The following PCDHGB2 variants were observed in gnomAD, a reference collection of about 807,000 sequenced individuals.
PCDHGB2 encodes the protein protocadherin gamma subfamily B, 2, also known as protocadherin gamma-B2.
In PCDHGB2, 55 loss-of-function variants were observed where a neutral mutation model predicts 59.3. The ratio of observed to expected loss-of-function variants is 0.93; its 90% CI spans 0.75 to 1.16. The LOEUF (loss-of-function observed/expected upper bound fraction) is 1.16, where lower values mean the gene tolerates loss of function less well. Among genes scored for constraint, PCDHGB2 ranks in the 50% most tolerant of loss-of-function variants. PCDHGB2 has a pLI of 0.00. For synonymous variants in PCDHGB2, 516 were observed against 512.0 expected (o/e 1.01, Z -0.11); for missense variants, 1,228 against 1,198.5 (o/e 1.02, Z -0.36).
At chr5:141,394,285 T>C (rs1463926417) in intron 1 of PCDHGB2, 2 of 1,613,942 alleles carry the variant, frequency 1.2e-6, no homozygotes, top group Admixed American at 1.7e-5. Context: ...ACTTACTCTG[T>C]GACCGAGGAC....
intron 1 of PCDHGB2, chr5:141,374,290 A>G: frequency 6.2e-7 from 1 of 1,613,934 alleles, no homozygotes; most frequent in South Asian, 1.1e-5. Context: ...TCGTCTCCAG[A>G]GGTAGGATGC....
chr5:141,425,241 AG>A (rs2096863585), intron 1 of PCDHGB2, among the ~76,000 whole-genome samples: 1 of 152,220 alleles, frequency 6.6e-6, no homozygotes, highest in Admixed American at 6.5e-5. Flanking sequence ...TTAAATAAAA[AG>A]GATATGAGGT....
intron 1 of PCDHGB2, among the ~76,000 whole-genome samples, chr5:141,406,328 C>T (rs1235799294): frequency 1.3e-5 from 2 of 152,062 alleles, no homozygotes; most frequent in Non-Finnish European, 2.9e-5. Context: ...ATTCTTACTC[C>T]TACGATCATT....
chr5:141,431,536 G>T lies in PCDHGB2; in HGVS notation c.2422-63271G>T. Reference sequence around the variant, plus strand: ...TTCCGGAGAATCTGGCCTTGGGCACGCAGCTGCTTGTAGTCAACGCTACCG... The same window carrying T: ...TTCCGGAGAATCTGGCCTTGGGCACTCAGCTGCTTGTAGTCAACGCTACCG... On this transcript the variant is annotated intron_variant, in intron 1 of 3. Coordinates refer to ENST00000522605, the MANE Select transcript of PCDHGB2 (RefSeq NM_018923.3). The surrounding 1 kb of genome is among the most constrained non-coding windows in gnomAD (Gnocchi z 4.8). 6.2e-7 allele frequency: 1 copy of T among 1,614,068 alleles called. No homozygotes were observed. Among genetic ancestry groups the T allele is most frequent in the Non-Finnish European group, 8.5e-7 (1 of 1,180,022 alleles).
In PCDHGB2 at chr5:141,366,583, G is replaced by C. The variant is rs369592022; in HGVS notation, c.2421+4027G>C. The C allele has an allele frequency of 3.1e-6, 5 of 1,614,138 alleles. No homozygotes were observed. In the African/African-American group the frequency reaches 5.3e-5, roughly 17 times the overall value. On this transcript the variant is annotated intron_variant, in intron 1 of 3. Coordinates refer to ENST00000522605, the MANE Select transcript of PCDHGB2 (RefSeq NM_018923.3). The stretch of plus-strand genomic sequence containing the variant: ...TGGATGGGGTTCGGGCTTTCCTGCA[G>C]ACCTATTCCCACGAGGTCTCCCTCA...
intron 1 of PCDHGB2, chr5:141,427,468 C>T: frequency 2.0e-6 from 1 of 509,312 alleles, no homozygotes; most frequent in Middle Eastern, 3.0e-4. Flanking sequence ...ATCGAATCTT[C>T]CGCCAATAAT....
chr5:141,490,243 G>A lies in PCDHGB2; in HGVS notation c.2422-4564G>A, dbSNP rs1431165990. 1 of 1,614,238 alleles carries A rather than the reference G, an allele frequency of 6.2e-7. No individual in the cohort carries two copies. The highest frequency in any genetic ancestry group is 8.5e-7 in the Non-Finnish European group (1 of 1,180,038). The stretch of plus-strand genomic sequence containing the variant: ...ACAGCCTGCCATGGAGGGCCACTGT[G>A]TGATTCAAGTGGATGTGGGGGATGT... On this transcript the variant is annotated intron_variant, in intron 1 of 3. Coordinates refer to ENST00000522605, the MANE Select transcript of PCDHGB2 (RefSeq NM_018923.3). This position sits in a 1 kb window ranked among gnomAD's most constrained non-coding sequence, Gnocchi z 5.4.
chr5:141,502,750 A>G (rs974131144), intron 2 of PCDHGB2, among the ~76,000 whole-genome samples: 3 of 151,928 alleles, frequency 2.0e-5, no homozygotes, highest in Non-Finnish European at 4.4e-5. Context: ...TTCCTTCTAC[A>G]TGTATTTGCT....
intron 1 of PCDHGB2, chr5:141,418,462 C>G: frequency 1.2e-6 from 2 of 1,613,974 alleles, no homozygotes; most frequent in Non-Finnish European, 8.5e-7. Flanking sequence ...AGACTCTGGA[C>G]CGAGAAACGC....
chr5:141,447,648 T>A (rs1262852729), intron 1 of PCDHGB2, among the ~76,000 whole-genome samples: 3 of 152,164 alleles, frequency 2.0e-5, no homozygotes, highest in African/African-American at 4.8e-5. Flanking sequence ...ATGGTAGAAT[T>A]TTCCCCCCCA....
Position 141,375,503 on chromosome 5 carries a change from G to A in PCDHGB2, c.2421+12947G>A. 1.5e-5 allele frequency: 24 copies of A among 1,613,982 alleles called. 1 individual carries two copies. The highest frequency in any genetic ancestry group is 2.0e-5 in the Non-Finnish European group (24 of 1,179,940). On this transcript the variant is annotated intron_variant, in intron 1 of 3. Transcript: ENST00000522605. ...CCCCAGGGGTGCCTCCATCTTCTCT[G>A]TGAATGCACTGGACCCTGACGTGGA...
rs775037681 is a variant in PCDHGB2 at position 141,388,812 on chromosome 5, G to T, written c.2421+26256G>T. On this transcript the variant is annotated intron_variant, in intron 1 of 3. Transcript: ENST00000522605. Reference sequence around the variant, plus strand: ...TTTAAATACATTAGATTTTGAAGAAGTCAAAGAATATTCCATAGTTTTGGA... The same window carrying T: ...TTTAAATACATTAGATTTTGAAGAATTCAAAGAATATTCCATAGTTTTGGA... 2.1e-5 allele frequency: 34 copies of T among 1,613,816 alleles called. No homozygotes were observed. Among genetic ancestry groups the T allele is most frequent in the Non-Finnish European group, 2.8e-5 (33 of 1,179,866 alleles).
chr5:141,383,107 G>A, intron 1 of PCDHGB2: 1 of 1,614,032 alleles, frequency 6.2e-7, no homozygotes, highest in South Asian at 1.1e-5. Context: ...CATCTCCAGA[G>A]GTAGGACGCA....
Position 141,510,980 on chromosome 5 carries a change from G to C in PCDHGB2, c.2603G>C (p.Gly868Ala), listed in dbSNP as rs1466168256. 12 of 1,614,170 alleles carry C rather than the reference G, an allele frequency of 7.4e-6. No individual in the cohort carries two copies. The highest frequency in any genetic ancestry group is 9.3e-6 in the Non-Finnish European group (11 of 1,180,014). ...AADGSSTLGG[G>A]AGTMGLSARY... ...GATGGGAGCTCCACCCTGGGAGGGG[G>C]TGCCGGCACCATGGGATTGAGCGCC... is the stretch of plus-strand genomic sequence containing the variant. Residue 868 changes from glycine (G) to alanine (A), a missense_variant, in exon 4 of 4, where the codon GGT becomes GCT. By Grantham distance (60) the Gly-to-Ala change is moderately conservative (BLOSUM62 0). This residue lies in a region of PCDHGB2 where 433 missense variants were observed against 441.8 expected (regional missense o/e 0.98). Transcript: ENST00000522605.
At chr5:141,404,241 C>T (rs960579159) in intron 1 of PCDHGB2, 9 of 1,613,576 alleles carry the variant, frequency 5.6e-6, no homozygotes, top group African/African-American at 4.0e-5. Context: ...AGAGGAACTC[C>T]GCCCCTGTCC....
At chr5:141,464,982 T>A (rs914697541) in intron 1 of PCDHGB2, among the ~76,000 whole-genome samples, 1 of 152,030 alleles carries the variant, frequency 6.6e-6, no homozygotes, top group Non-Finnish European at 1.5e-5. Context: ...CTTCAAGTGA[T>A]CCTCCCACCT....
chr5:141,366,927 T>C (rs1442666923), intron 1 of PCDHGB2: 3 of 981,216 alleles, frequency 3.1e-6, no homozygotes, highest in Non-Finnish European at 4.3e-6. Context: ...AAATTCTGTT[T>C]TGGGAAGTCT....
At chr5:141,452,908 A>G (rs747849272) in intron 1 of PCDHGB2, among the ~76,000 whole-genome samples, 5 of 152,222 alleles carry the variant, frequency 3.3e-5, no homozygotes, top group African/African-American at 4.8e-5. Flanking sequence ...AGTTGGCATT[A>G]TACAGTAAGA....
chr5:141,362,409 A>C lies in PCDHGB2; in HGVS notation c.2274A>C (p.Ser758=), dbSNP rs778172417. ...LPYSYNLCVA[S]QSAKTEFNFL... ...ATTCCTACAACCTGTGTGTTGCCTC[A>C]CAATCAGCCAAGACAGAGTTCAATT... The change falls in exon 1 of 4, where the codon TCA becomes TCC. Residue 758 remains serine (S), a synonymous_variant. Transcript: ENST00000522605. 1 of 1,614,000 alleles carries C rather than the reference A, an allele frequency of 6.2e-7. No individual in the cohort carries two copies. The highest frequency in any genetic ancestry group is 8.5e-7 in the Non-Finnish European group (1 of 1,179,896).
Sources: gnomAD v4.1 joint callset for allele counts (sites outside exome capture counted in the v4.1 genomes callset) on GRCh38, gnomAD v4.1.1 for gene constraint, gnomAD v4.1.1 regional missense constraint, Gnocchi (gnomAD v3.1) non-coding constraint, MANE v1.5 for transcripts, NCBI Gene and HGNC (gene_info 2026-07-23, HGNC 2026-07-21) for gene names.